The following PDGFC variants were observed in gnomAD, a reference collection of about 807,000 sequenced individuals.
PDGFC encodes platelet derived growth factor C, also known as platelet-derived growth factor C.
PDGFC carries 12 observed loss-of-function variants against 35.5 expected under a neutral mutation model. The ratio of observed to expected loss-of-function variants is 0.34; its 90% CI spans 0.22 to 0.55. The LOEUF (loss-of-function observed/expected upper bound fraction) is 0.55, where lower values mean the gene tolerates loss of function less well. Among genes scored for constraint, PDGFC ranks in the 20% least tolerant of loss-of-function variants. The pLI, the probability that PDGFC is intolerant of heterozygous loss-of-function variation, is 0.91. For missense variants in PDGFC, 322 were observed against 412.4 expected (o/e 0.78, Z 1.90); for synonymous variants, 159 against 148.8 (o/e 1.07, Z -0.50).
chr4:156,797,402 A>G (rs1373122114), intron 3 of PDGFC, among the ~76,000 whole-genome samples: 1 of 152,128 alleles, frequency 6.6e-6, no homozygotes, highest in East Asian at 1.9e-4. Context: ...AGGTGATCTG[A>G]CAGAATTTAA....
intron 2 of PDGFC, among the ~76,000 whole-genome samples, chr4:156,822,291 G>A (rs927296840): frequency 6.7e-6 from 1 of 149,442 alleles, no homozygotes; most frequent in Non-Finnish European, 1.5e-5. Context: ...CCCGGGAGGC[G>A]GAGCTTGCAG....
chr4:156,949,265 CAGAG>C (rs1471036824), intron 1 of PDGFC, among the ~76,000 whole-genome samples: 1 of 151,844 alleles, frequency 6.6e-6, no homozygotes, highest in Non-Finnish European at 1.5e-5. Context: ...TTCTGAATAA[CAGAG>C]AGAAGTTGAA....
At chr4:156,915,528 G>T (rs1310931748) in intron 1 of PDGFC, among the ~76,000 whole-genome samples, 1 of 152,138 alleles carries the variant, frequency 6.6e-6, no homozygotes, top group Non-Finnish European at 1.5e-5. Flanking sequence ...CGGGGGGGCA[G>T]GGTGCAGTGA....
intron 2 of PDGFC, among the ~76,000 whole-genome samples, chr4:156,821,161 CCTG>C (rs1560825773): frequency 1.4e-5 from 2 of 141,348 alleles, no homozygotes; most frequent in African/African-American, 5.8e-5. Context: ...AGGAATGTTG[CCTG>C]TTGTATGTGT....
intron 1 of PDGFC, among the ~76,000 whole-genome samples, chr4:156,962,735 T>C (rs952984718): frequency 6.6e-6 from 1 of 152,154 alleles, no homozygotes; most frequent in African/African-American, 2.4e-5. Flanking sequence ...TGTGGGACCT[T>C]AGCTAAGCTA....
At chr4:156,948,535 G>C (rs1419511450) in intron 1 of PDGFC, among the ~76,000 whole-genome samples, 1 of 151,898 alleles carries the variant, frequency 6.6e-6, no homozygotes, top group Non-Finnish European at 1.5e-5. Flanking sequence ...GTTACAATAG[G>C]AGAAAATGCT....
intron 3 of PDGFC, among the ~76,000 whole-genome samples, chr4:156,807,571 TTACAAG>T (rs1731801818): frequency 6.6e-6 from 1 of 152,028 alleles, no homozygotes; most frequent in South Asian, 2.1e-4. Context: ...GTAAATCATC[TTACAAG>T]GGAGAACATA....
chr4:156,945,383 ATATATAT>A (rs1731921966), intron 1 of PDGFC, among the ~76,000 whole-genome samples: 9 of 126,690 alleles, frequency 7.1e-5, no homozygotes, highest in South Asian at 2.6e-4. Context: ...ATATATATAT[ATATATAT>A]AATCAGTAGG....
intron 1 of PDGFC, among the ~76,000 whole-genome samples, chr4:156,898,899 C>G (rs1730698173): frequency 6.6e-6 from 1 of 152,208 alleles, no homozygotes; most frequent in Admixed American, 6.5e-5. Context: ...TCAAGTGATC[C>G]ACCTGCCTTG....
At chr4:156,801,659 A>C (rs899626518) in intron 3 of PDGFC, among the ~76,000 whole-genome samples, 1 of 152,186 alleles carries the variant, frequency 6.6e-6, no homozygotes, top group Non-Finnish European at 1.5e-5. Flanking sequence ...TTATTAATCA[A>C]ATATAAAGTC....
intron 5 of PDGFC, among the ~76,000 whole-genome samples, chr4:156,767,557 T>C (rs1730572813): frequency 6.6e-6 from 1 of 152,082 alleles, no homozygotes; most frequent in African/African-American, 2.4e-5. Context: ...ACTCATGTTA[T>C]ACTACCAGAG....
intron 1 of PDGFC, among the ~76,000 whole-genome samples, chr4:156,877,912 C>T (rs1730152895): frequency 6.6e-6 from 1 of 152,128 alleles, no homozygotes; most frequent in South Asian, 2.1e-4. Context: ...GGATAATTCC[C>T]TATTCTCACC....
At chr4:156,866,159 A>G (rs914310517) in intron 1 of PDGFC, among the ~76,000 whole-genome samples, 1 of 151,910 alleles carries the variant, frequency 6.6e-6, no homozygotes, top group Non-Finnish European at 1.5e-5. Context: ...TCCTGTGTCC[A>G]TGTGTTCTCA....
chr4:156,848,104 A>C (rs1389673120), intron 2 of PDGFC, among the ~76,000 whole-genome samples: 1 of 151,896 alleles, frequency 6.6e-6, no homozygotes, highest in Non-Finnish European at 1.5e-5. Flanking sequence ...TCAATACAAA[A>C]GGAGCAAAAG....
At chr4:156,860,835 A>G (rs1030382677) in intron 1 of PDGFC, among the ~76,000 whole-genome samples, 1 of 152,138 alleles carries the variant, frequency 6.6e-6, no homozygotes, top group Admixed American at 6.6e-5. Context: ...GCAACTTTTG[A>G]TCATAGTGAA....
At chr4:156,890,966 TTA>T (rs1730490149) in intron 1 of PDGFC, among the ~76,000 whole-genome samples, 1 of 152,022 alleles carries the variant, frequency 6.6e-6, no homozygotes, top group African/African-American at 2.4e-5. Context: ...ATGGGATATG[TTA>T]TAGTAAATGC....
intron 1 of PDGFC, among the ~76,000 whole-genome samples, chr4:156,912,146 A>C (rs1731054436): frequency 6.6e-6 from 1 of 152,130 alleles, no homozygotes; most frequent in African/African-American, 2.4e-5. Flanking sequence ...ATTCTAGTAC[A>C]AAAACAGGGT....
chr4:156,788,117 G>A (rs566008840), intron 3 of PDGFC, among the ~76,000 whole-genome samples: 7 of 152,212 alleles, frequency 4.6e-5, no homozygotes, highest in East Asian at 1.9e-4. Context: ...TTTCCAGAGC[G>A]TTCTTAAATC....
At chr4:156,914,473 G>A (rs7670884) in intron 1 of PDGFC, among the ~76,000 whole-genome samples, 87,496 of 151,936 alleles carry the variant, frequency 0.58, 25,435 homozygotes, top group East Asian at 0.7. Context: ...AAAGGTTCTG[G>A]ATATTCTGTT....
Sources: gnomAD v4.1 joint callset for allele counts (sites outside exome capture counted in the v4.1 genomes callset) on GRCh38, gnomAD v4.1.1 for gene constraint, MANE v1.5 for transcripts, NCBI Gene and HGNC (gene_info 2026-07-23, HGNC 2026-07-21) for gene names.